The following PDZD2 variants were observed in gnomAD, a reference collection of about 807,000 sequenced individuals.
PDZD2 encodes PDZ domain-containing protein 2.
In PDZD2, 90 loss-of-function variants were observed where a neutral mutation model predicts 220.7. That is an observed-to-expected ratio of 0.41 (90% CI 0.34 to 0.49). PDZD2 has a LOEUF of 0.49. Among genes scored for constraint, PDZD2 ranks in the 20% least tolerant of loss-of-function variants. The pLI is 0.28. For synonymous variants in PDZD2, 1,375 were observed against 1,450.5 expected (o/e 0.95, Z 1.18); for missense variants, 3,174 against 3,608.5 (o/e 0.88, Z 3.08).
chr5:32,077,940 AG>A, intron 19 of PDZD2: 1 of 140,534 alleles, frequency 7.1e-6, no homozygotes, highest in Non-Finnish European at 1.4e-5. Flanking sequence ...CTGGGCAACA[AG>A]AGCAAGACTC....
intron 2 of PDZD2, among the ~76,000 whole-genome samples, chr5:31,949,319 C>G (rs1746964708): frequency 3.3e-5 from 5 of 151,996 alleles, no homozygotes; most frequent in Admixed American, 3.3e-4. Flanking sequence ...TAAAATAGCA[C>G]TTCAAACCCC....
intron 2 of PDZD2, among the ~76,000 whole-genome samples, chr5:31,911,916 T>C (rs1304264768): frequency 6.6e-6 from 1 of 152,132 alleles, no homozygotes; most frequent in Non-Finnish European, 1.5e-5. Flanking sequence ...TGCTTCTGAT[T>C]GGTAGAAATA....
At chr5:31,891,402 G>A (rs910302391) in intron 2 of PDZD2, among the ~76,000 whole-genome samples, 16 of 151,746 alleles carry the variant, frequency 1.1e-4, no homozygotes, top group African/African-American at 2.7e-4. Context: ...CCGCAACTTC[G>A]CCTCCCAGGT....
At chr5:31,976,973 C>T (rs1218063261) in intron 2 of PDZD2, among the ~76,000 whole-genome samples, 2 of 151,042 alleles carry the variant, frequency 1.3e-5, no homozygotes, top group African/African-American at 4.9e-5. Context: ...GCCTTGGCCT[C>T]CTGAAGTGCT....
chr5:31,707,192 T>C (rs565345472), intron 1 of PDZD2, among the ~76,000 whole-genome samples: 8 of 149,140 alleles, frequency 5.4e-5, no homozygotes, highest in South Asian at 4.4e-4. Flanking sequence ...TTAGGAGATA[T>C]ACCTAATGTA....
chr5:32,074,226 C>G lies in PDZD2; in HGVS notation c.3120C>G (p.Asp1040Glu). 6 of 1,614,194 alleles carry G rather than the reference C, an allele frequency of 3.7e-6. No homozygotes were observed. Among genetic ancestry groups the G allele is most frequent in the Non-Finnish European group, 5.1e-6 (6 of 1,180,036 alleles). The change falls in exon 18 of 25, where the codon GAC becomes GAG. Residue 1040 changes from aspartate (D) to glutamate (E), a missense_variant. Around this residue, in one of 4 missense-constraint regions of PDZD2, gnomAD observed 1,861 missense variants for 2,001.0 expected, o/e 0.93. Transcript: ENST00000438447. ...ISAPLLGSSV[D>E]LEESIPEGMV... The stretch of plus-strand genomic sequence containing the variant: ...CACCTCTTCTTGGTAGCTCAGTGGA[C>G]TTAGAGGAGAGTATCCCAGAGGGCA...
chr5:31,822,295 G>A (rs1240831995), intron 2 of PDZD2, among the ~76,000 whole-genome samples: 1 of 45,482 alleles, frequency 2.2e-5, no homozygotes, highest in Admixed American at 2.3e-4. Flanking sequence ...TTTTTTTTTT[G>A]AGAGAGCGTC....
intron 15 of PDZD2, among the ~76,000 whole-genome samples, chr5:32,070,122 T>C (rs1188280383): frequency 1.3e-5 from 2 of 152,162 alleles, no homozygotes; most frequent in African/African-American, 4.8e-5. Flanking sequence ...AGGCTTGAGA[T>C]AGTAGGAATT....
At chr5:31,955,299 T>C (rs1483677260) in intron 2 of PDZD2, among the ~76,000 whole-genome samples, 1 of 151,736 alleles carries the variant, frequency 6.6e-6, no homozygotes, top group Admixed American at 6.6e-5. Flanking sequence ...GTTTTTTTTT[T>C]TGTTTTGTTT....
intron 19 of PDZD2, among the ~76,000 whole-genome samples, chr5:32,079,280 CAAAA>C (rs1321874066): frequency 4.1e-5 from 5 of 121,386 alleles, no homozygotes; most frequent in East Asian, 2.3e-4. Flanking sequence ...AAAAAAAAAA[CAAAA>C]AAAAAAAAGG....
At chr5:31,890,558 C>T (rs904256381) in intron 2 of PDZD2, among the ~76,000 whole-genome samples, 2 of 152,152 alleles carry the variant, frequency 1.3e-5, no homozygotes, top group Non-Finnish European at 2.9e-5. Context: ...CCCCTTCTTC[C>T]CTGACTCCAG....
At position 32,110,606 on chromosome 5, in the gene PDZD2, G is replaced by GTAAA. The variant is rs1304445551; in HGVS notation, c.*2478_*2481dup. 1 of 152,312 alleles carries GTAAA rather than the reference G, an allele frequency of 6.6e-6. No homozygotes were observed. Among genetic ancestry groups the GTAAA allele is most frequent in the African/African-American group, 2.4e-5 (1 of 41,348 alleles). 9.4% of individuals were successfully genotyped at this position (152,312 alleles called of 1,614,324 possible). A position where few individuals can be genotyped will look rare whatever the true frequency, so the allele number is the denominator to read the frequency against. ...CAGTCATTCACAATAAGCTATGAGG[G>GTAAA]TAAATAAATATGTGTTATAACAAGT... On this transcript the variant is annotated 3_prime_UTR_variant, in exon 25 of 25. Transcript: ENST00000438447.
rs148504196 is a variant in PDZD2 at position 31,885,029 on chromosome 5, C to T, written c.476+85305C>T. The stretch of plus-strand genomic sequence containing the variant: ...TTTTAAAGTGATAGACCAAGAGAAA[C>T]GTACAAAACAGAATAGATGATGGAT... On this transcript the variant is annotated intron_variant, in intron 2 of 24. Transcript: ENST00000438447. Among the ~76,000 whole-genome samples the T allele has an allele frequency of 2.5e-3, 382 of 151,546 alleles. 1 individual carries two copies. The highest frequency in any genetic ancestry group is 7.5e-3 in the African/African-American group (311 of 41,290).
chr5:31,777,225 C>T (rs1372242379), intron 1 of PDZD2, among the ~76,000 whole-genome samples: 1 of 152,166 alleles, frequency 6.6e-6, no homozygotes, highest in Non-Finnish European at 1.5e-5. Context: ...TGGCCCCGGG[C>T]AGTGAGGGGC....
At chr5:32,073,390 T>C (rs1740940553) in intron 17 of PDZD2, among the ~76,000 whole-genome samples, 1 of 152,190 alleles carries the variant, frequency 6.6e-6, no homozygotes, top group South Asian at 2.1e-4. Context: ...CCTCCCTTTC[T>C]GCAGATGAAG....
intron 1 of PDZD2, among the ~76,000 whole-genome samples, chr5:31,777,522 G>A (rs988184032): frequency 1.4e-4 from 21 of 152,378 alleles, no homozygotes; most frequent in Middle Eastern, 3.4e-3. Context: ...TGGGACTGGC[G>A]GGCAGCTCTG....
chr5:31,883,743 A>C (rs1337424239), intron 2 of PDZD2, among the ~76,000 whole-genome samples: 1 of 151,666 alleles, frequency 6.6e-6, no homozygotes. Flanking sequence ...CTGGGATTAC[A>C]GGTGCCTGCC....
intron 2 of PDZD2, chr5:31,840,435 TATATA>T: frequency 1.1e-5 from 1 of 93,338 alleles, no homozygotes; most frequent in Non-Finnish European, 2.0e-5. Context: ...TATATATATA[TATATA>T]TATATATATT....
chr5:31,939,908 C>T (rs930707306), intron 2 of PDZD2, among the ~76,000 whole-genome samples: 2 of 152,194 alleles, frequency 1.3e-5, no homozygotes, highest in Admixed American at 1.3e-4. Flanking sequence ...AGGAGAGGAA[C>T]AGCCAGACAA....
Sources: gnomAD v4.1 joint callset for allele counts (sites outside exome capture counted in the v4.1 genomes callset) on GRCh38, gnomAD v4.1.1 for gene constraint, gnomAD v4.1.1 regional missense constraint, MANE v1.5 for transcripts, NCBI Gene and HGNC (gene_info 2026-07-23, HGNC 2026-07-21) for gene names.